The following DNM2 variants were observed in gnomAD, a reference collection of about 807,000 sequenced individuals.
The protein encoded by DNM2 is dynamin 2.
In DNM2, 15 loss-of-function variants were observed where a neutral mutation model predicts 99.0. The observed-to-expected ratio is 0.15, with a 90% CI of 0.10 to 0.23. The LOEUF (loss-of-function observed/expected upper bound fraction) is 0.23. Ranked by LOEUF, DNM2 falls within the 10% of genes least tolerant of loss-of-function variation. DNM2 has a pLI of 1.00. For synonymous variants in DNM2, 525 were observed against 481.2 expected, an observed-to-expected ratio of 1.09 and a Z score of -1.19; for missense variants, 742 against 1,189.4, an observed-to-expected ratio of 0.62 and a Z score of 5.53.
At chr19:10,725,678 A>G (rs1187630991) in intron 1 of DNM2, among the ~76,000 whole-genome samples, 2 of 152,092 alleles carry the variant, frequency 1.3e-5, no homozygotes, top group Non-Finnish European at 2.9e-5. Flanking sequence ...AGAATCACGT[A>G]GCAAATTGTT....
At chr19:10,727,133 T>G (rs2069141235) in intron 1 of DNM2, among the ~76,000 whole-genome samples, 1 of 152,110 alleles carries the variant, frequency 6.6e-6, no homozygotes, top group African/African-American at 2.4e-5. Context: ...CTTGGTTTGT[T>G]TTTGCTGGTT....
Position 10,812,407 on chromosome 19 carries a change from G to C in DNM2, c.1671+30G>C, listed in dbSNP as rs367935131. ...GTGGCAGGCGGGAGCAGGGCTGCTG[G>C]GGTAGGTGGGGCAGCCAGGGAAGAG... is the stretch of plus-strand genomic sequence containing the variant. On this transcript the variant is annotated intron_variant, in intron 15 of 20. Coordinates refer to ENST00000389253, the MANE Select transcript of DNM2 (RefSeq NM_001005361.3). This position sits in a 1 kb window ranked among gnomAD's most constrained non-coding sequence, Gnocchi z 4.0. 1.3e-6 allele frequency: 2 copies of C among 1,562,658 alleles called. No homozygotes were observed. Among genetic ancestry groups the C allele is most frequent in the Non-Finnish European group, 1.7e-6 (2 of 1,148,300 alleles).
At chr19:10,785,271 C>G (rs546773040) in intron 6 of DNM2, among the ~76,000 whole-genome samples, 1 of 152,040 alleles carries the variant, frequency 6.6e-6, no homozygotes, top group African/African-American at 2.4e-5. Context: ...GCACCCATCA[C>G]CACACCCGGC....
Position 10,718,325 on chromosome 19 carries a change from A to T in DNM2, c.83A>T (p.His28Leu), listed in dbSNP as rs774962668. 3.0e-5 allele frequency: 45 copies of T among 1,513,892 alleles called. No individual in the cohort carries two copies. The highest frequency in any genetic ancestry group is 3.9e-5 in the Non-Finnish European group (44 of 1,132,834). 93.8% of individuals were successfully genotyped at this position (1,513,892 alleles called of 1,614,324 possible). ...DAFSSIGQSC[H>L]LDLPQIAVVG... ...TTCAGCTCCATCGGCCAGAGCTGCCACCTGGACCTGCCGCAGATCGCTGTA... is the reference window on the plus strand; with the variant it reads ...TTCAGCTCCATCGGCCAGAGCTGCCTCCTGGACCTGCCGCAGATCGCTGTA... The change falls in exon 1 of 21, where the codon CAC (histidine) becomes CTC (leucine). Residue 28 changes from histidine to leucine, a missense_variant. His to Leu is a moderately conservative substitution (Grantham distance 99, BLOSUM62 -3). This residue lies in a region of DNM2 where 52 missense variants were observed against 46.1 expected (regional missense o/e 1.13). Coordinates refer to ENST00000389253, the MANE Select transcript of DNM2 (RefSeq NM_001005361.3).
intron 2 of DNM2, among the ~76,000 whole-genome samples, chr19:10,771,329 T>TTG (rs1343186713): frequency 6.6e-6 from 1 of 152,222 alleles, no homozygotes; most frequent in African/African-American, 2.4e-5. Context: ...CCCACACTGC[T>TTG]TGTCAATTAC....
intron 1 of DNM2, among the ~76,000 whole-genome samples, chr19:10,750,821 T>C (rs1156661903): frequency 1.3e-5 from 2 of 151,588 alleles, no homozygotes; most frequent in Non-Finnish European, 2.9e-5. Flanking sequence ...TAATCCCAGC[T>C]ACTTGGGGGG....
intron 1 of DNM2, among the ~76,000 whole-genome samples, chr19:10,751,260 C>T (rs537080642): frequency 2.0e-5 from 3 of 152,102 alleles, no homozygotes; most frequent in Non-Finnish European, 4.4e-5. Flanking sequence ...GCCAGGAAGC[C>T]CGCCCAGGAT....
chr19:10,807,072 T>C lies in DNM2; in HGVS notation c.1545+1105T>C, dbSNP rs116146435. Among the ~76,000 whole-genome samples the C allele has an allele frequency of 1.2e-3, 179 of 151,758 alleles. 2 individuals carry two copies. Among genetic ancestry groups the C allele is most frequent in the African/African-American group, 4.1e-3 (169 of 41,404 alleles). On this transcript the variant is annotated intron_variant, in intron 13 of 20. Coordinates refer to ENST00000389253, the MANE Select transcript of DNM2 (RefSeq NM_001005361.3). Reference sequence around the variant, plus strand: ...ATCAATGCCTGCCTTCAGTACCTTATTATTATTATTATTATTTTGACACAG... The same window carrying C: ...ATCAATGCCTGCCTTCAGTACCTTACTATTATTATTATTATTTTGACACAG...
chr19:10,801,815 G>A (rs1389381191), intron 11 of DNM2, among the ~76,000 whole-genome samples: 13 of 148,224 alleles, frequency 8.8e-5, no homozygotes, highest in Admixed American at 7.4e-4. Flanking sequence ...TGAGGCAGGA[G>A]AATCGCTTGA....
At chr19:10,726,244 A>G (rs1161793805) in intron 1 of DNM2, among the ~76,000 whole-genome samples, 1 of 144,404 alleles carries the variant, frequency 6.9e-6, no homozygotes, top group African/African-American at 2.6e-5. Context: ...TTTTTTTTTT[A>G]GAGACAGGGT....
Position 10,775,330 on chromosome 19 carries a change from C to A in DNM2, c.386-373C>A, listed in dbSNP as rs192014262. Reference sequence around the variant, plus strand: ...CTCCTGGCCTCAAGTGATCCACCCACCTCGGCCTCCCAAAGTGCTGGGATT... The same window carrying A: ...CTCCTGGCCTCAAGTGATCCACCCAACTCGGCCTCCCAAAGTGCTGGGATT... On this transcript the variant is annotated intron_variant, in intron 3 of 20. Transcript: ENST00000389253. This position sits in a 1 kb window ranked among gnomAD's most constrained non-coding sequence, Gnocchi z 4.3. Among the ~76,000 whole-genome samples, 2 of 151,216 alleles carry A rather than the reference C, an allele frequency of 1.3e-5. No individual in the cohort carries two copies. Among genetic ancestry groups the A allele is most frequent in the Admixed American group, 1.3e-4 (2 of 15,196 alleles).
In DNM2 at chr19:10,774,728, C is replaced by CTTTTTTTTTTTTT. The variant is rs34413054; in HGVS notation, c.386-972_386-960dup. 4.9e-5 allele frequency among the ~76,000 whole-genome samples: 6 copies of CTTTTTTTTTTTTT among 121,452 alleles called. 1 individual carries two copies. Among genetic ancestry groups the CTTTTTTTTTTTTT allele is most frequent in the African/African-American group, 1.9e-4 (6 of 31,098 alleles). The allele number at this position is 121,452 out of a possible 152,430, so 79.7% of individuals were successfully genotyped here. A position where few individuals can be genotyped will look rare whatever the true frequency, so the allele number is the denominator to read the frequency against. ...GTGTGAGCCACTGCGTTGGCCTATGCTTTTTTTTTTTTTTTGTATGCCTCT... is the reference window on the plus strand; with the variant it reads ...GTGTGAGCCACTGCGTTGGCCTATGCTTTTTTTTTTTTTTTTTTTTTTTTTTTTGTATGCCTCT... On this transcript the variant is annotated intron_variant, in intron 3 of 20. Coordinates refer to ENST00000389253, the MANE Select transcript of DNM2 (RefSeq NM_001005361.3).
intron 9 of DNM2, among the ~76,000 whole-genome samples, 183 bp from the exon 10 acceptor site, chr19:10,797,197 C>G (rs1199585843): frequency 6.6e-6 from 1 of 152,048 alleles, no homozygotes; most frequent in Non-Finnish European, 1.5e-5. Context: ...GCCCACACCC[C>G]CAAACCCCAG....
chr19:10,736,630 A>G (rs1008149418), intron 1 of DNM2, among the ~76,000 whole-genome samples: 1 of 152,286 alleles, frequency 6.6e-6, no homozygotes, highest in Admixed American at 6.5e-5. Context: ...TTGTTTAGAC[A>G]AAGTCTCTCT....
chr19:10,799,764 C>A (rs1002420660), intron 11 of DNM2, among the ~76,000 whole-genome samples: 16 of 148,410 alleles, frequency 1.1e-4, no homozygotes, highest in Non-Finnish European at 2.2e-4. Context: ...GAACTCCTGA[C>A]CTCAGGTGAT....
At chr19:10,797,228 C>A in intron 9 of DNM2, 152 bp from the exon 10 acceptor site, 1 of 1,197,526 alleles carries the variant, frequency 8.4e-7, no homozygotes, top group Non-Finnish European at 1.2e-6. Context: ...TCCGAAGCAG[C>A]TTCCGGGGCA....
Position 10,831,092 on chromosome 19 carries a change from G to A in DNM2, c.*45G>A, listed in dbSNP as rs777139746. ...CTCGGGGGGGCCTCACGCACCCGCG[G>A]CGCAGGAGCTTCAGTGGTCTGGGGC... is the stretch of plus-strand genomic sequence containing the variant. On this transcript the variant is annotated 3_prime_UTR_variant, in exon 21 of 21. Coordinates refer to ENST00000389253, the MANE Select transcript of DNM2 (RefSeq NM_001005361.3). This position sits in a 1 kb window ranked among gnomAD's most constrained non-coding sequence, Gnocchi z 4.3. 3.9e-6 allele frequency: 6 copies of A among 1,557,276 alleles called. No homozygotes were observed. In the Admixed American group the frequency reaches 5.8e-5, roughly 15 times the overall value.
At position 10,821,883 on chromosome 19, in the gene DNM2, A is replaced by C. The variant is rs533194214; in HGVS notation, c.1781+1794A>C. Among the ~76,000 whole-genome samples, 4 of 152,278 alleles carry C rather than the reference A, an allele frequency of 2.6e-5. No homozygotes were observed. In the South Asian group the frequency reaches 8.3e-4, roughly 32 times the overall value. On this transcript the variant is annotated intron_variant, in intron 16 of 20. Coordinates refer to ENST00000389253, the MANE Select transcript of DNM2 (RefSeq NM_001005361.3). ...CAAAATGGCTGCCCAGACTCCAGCC[A>C]TTGTGATGATGTCCCAGGCAGCAGC...
At chr19:10,718,770 C>A (rs918724437) in intron 1 of DNM2, 4 of 171,450 alleles carry the variant, frequency 2.3e-5, no homozygotes, top group Admixed American at 6.4e-5. Context: ...AGAGGTGAAA[C>A]CGGCCATCTA....
Sources: gnomAD v4.1 joint callset for allele counts (sites outside exome capture counted in the v4.1 genomes callset) on GRCh38, gnomAD v4.1.1 for gene constraint, gnomAD v4.1.1 regional missense constraint, Gnocchi (gnomAD v3.1) non-coding constraint, MANE v1.5 for transcripts, NCBI Gene and HGNC (gene_info 2026-07-23, HGNC 2026-07-21) for gene names.